Variants in THSD4 observed in about 807,000 individuals in gnomAD.
THSD4 encodes thrombospondin type-1 domain-containing protein 4.
A neutral mutation model predicts 119.0 loss-of-function variants in THSD4; 69 were observed. The observed-to-expected ratio is 0.58, with a 90% CI of 0.48 to 0.71. The LOEUF is 0.71. THSD4 is among the 30% of genes least tolerant of loss of function. THSD4 has a pLI of 0.00. For synonymous variants in THSD4, 524 were observed against 540.4 expected (o/e 0.97, Z 0.42); for missense variants, 1,393 against 1,391.1 (o/e 1.00, Z -0.02).
intron 2 of THSD4, chr15:71,147,809 A>G (rs2040677950): frequency 6.6e-6 from 1 of 151,930 alleles, no homozygotes; most frequent in African/African-American, 2.4e-5. Flanking sequence ...ACAGAAACAA[A>G]CAAATGAACA....
At chr15:71,487,074 T>C (rs11072289) in intron 7 of THSD4, among the ~76,000 whole-genome samples, 149,710 of 152,322 alleles carry the variant, frequency 0.98, 73,635 homozygotes, top group East Asian at 1. Flanking sequence ...ATTAAAATCC[T>C]AGCCTTGCAG....
intron 7 of THSD4, among the ~76,000 whole-genome samples, chr15:71,617,939 G>T (rs1260504290): frequency 2.0e-5 from 3 of 152,070 alleles, no homozygotes; most frequent in Non-Finnish European, 4.4e-5. Flanking sequence ...TTTCTCAAAG[G>T]GGCCATTTAC....
At chr15:71,748,768 G>A (rs533186175) in intron 14 of THSD4, among the ~76,000 whole-genome samples, 174 bp downstream of exon 14, 6 of 152,268 alleles carry the variant, frequency 3.9e-5, no homozygotes, top group African/African-American at 1.4e-4. Flanking sequence ...GAGGACTGAG[G>A]GTCTCCAAAG....
intron 6 of THSD4, among the ~76,000 whole-genome samples, chr15:71,403,233 A>C (rs113018050): frequency 0.027 from 4,156 of 152,246 alleles, 84 homozygotes; most frequent in African/African-American, 0.063. Flanking sequence ...GTGGTAGTCT[A>C]CATCCTCCAA....
At chr15:71,399,013 G>A (rs2046487490) in intron 6 of THSD4, among the ~76,000 whole-genome samples, 1 of 152,086 alleles carries the variant, frequency 6.6e-6, no homozygotes, top group African/African-American at 2.4e-5. Context: ...TGCAGCAGGT[G>A]ACTTTGTTGG....
intron 5 of THSD4, among the ~76,000 whole-genome samples, chr15:71,253,081 C>T (rs1446756518): frequency 6.6e-6 from 1 of 152,226 alleles, no homozygotes; most frequent in East Asian, 1.9e-4. Context: ...TCCACCAGGA[C>T]ACCTTGTTAC....
chr15:71,444,658 C>T (rs564469022), intron 7 of THSD4, among the ~76,000 whole-genome samples: 7 of 152,290 alleles, frequency 4.6e-5, no homozygotes, highest in African/African-American at 1.7e-4. Context: ...TGAGTGACAC[C>T]TCCACTCAAT....
chr15:71,112,316 G>A, upstream of THSD4: 1 of 1,315,178 alleles, frequency 7.6e-7, no homozygotes, highest in Non-Finnish European at 1.0e-6. Flanking sequence ...GAATGAAGGG[G>A]GGTACTATTA....
intron 8 of THSD4, among the ~76,000 whole-genome samples, chr15:71,674,310 G>A (rs1235220077): frequency 6.6e-6 from 1 of 152,164 alleles, no homozygotes; most frequent in Non-Finnish European, 1.5e-5. Context: ...ATTTCCAGCT[G>A]GGATGCTCTT....
chr15:71,110,507 T>C (rs938647127), upstream of THSD4: 1 of 153,046 alleles, frequency 6.5e-6, no homozygotes, highest in African/African-American at 2.4e-5. Context: ...ACAGCACTCC[T>C]TTCTCAATTG....
intron 6 of THSD4, chr15:71,342,329 A>C (rs2140391474): frequency 6.4e-6 from 1 of 155,700 alleles, no homozygotes; most frequent in South Asian, 2.0e-4. Flanking sequence ...GATGCGTAGA[A>C]GAAAGAAATG....
At chr15:71,342,810 T>C (rs1044359256) in intron 6 of THSD4, 1 of 152,258 alleles carries the variant, frequency 6.6e-6, no homozygotes, top group South Asian at 2.1e-4. Flanking sequence ...GCAAATTCTC[T>C]TTTGAGGCTG....
At chr15:71,532,693 G>T (rs2048633051) in intron 7 of THSD4, among the ~76,000 whole-genome samples, 1 of 152,132 alleles carries the variant, frequency 6.6e-6, no homozygotes, top group Non-Finnish European at 1.5e-5. Flanking sequence ...GGTGCTGGCT[G>T]TTTATAATAT....
intron 8 of THSD4, among the ~76,000 whole-genome samples, chr15:71,724,888 A>C (rs1315944827): frequency 9.7e-6 from 1 of 103,248 alleles, no homozygotes; most frequent in African/African-American, 3.3e-5. Context: ...GGTACCATTT[A>C]CTGAGATAAG....
At chr15:71,235,733 T>C (rs1178155767) in intron 4 of THSD4, among the ~76,000 whole-genome samples, 4 of 151,962 alleles carry the variant, frequency 2.6e-5, no homozygotes, top group African/African-American at 9.7e-5. Flanking sequence ...GGACCACAGG[T>C]GTGCACCCAT....
Position 71,147,968 on chromosome 15 carries a change from C to CAAA in THSD4, c.29+6437_29+6439dup, listed in dbSNP as rs57726176. 1.4e-3 allele frequency among the ~76,000 whole-genome samples: 46 copies of CAAA among 32,128 alleles called. 2 individuals carry two copies. Among genetic ancestry groups the CAAA allele is most frequent in the Non-Finnish European group, 2.2e-3 (30 of 13,492 alleles). The allele number at this position is 32,128 out of a possible 152,430, so 21.1% of individuals were successfully genotyped here. A position where few individuals can be genotyped will look rare whatever the true frequency, so the allele number is the denominator to read the frequency against. ...TGGGTGATAGAGCAAGACTCTGTCTCAAAAAAAAAAAAAAAAAAAAAAAAA... is the reference window on the plus strand; with the variant it reads ...TGGGTGATAGAGCAAGACTCTGTCTCAAAAAAAAAAAAAAAAAAAAAAAAAAAA... On this transcript the variant is annotated intron_variant, in intron 2 of 17. Transcript: ENST00000261862.
intron 7 of THSD4, among the ~76,000 whole-genome samples, chr15:71,605,024 G>A (rs1328620980): frequency 6.6e-6 from 1 of 152,054 alleles, no homozygotes; most frequent in African/African-American, 2.4e-5. Flanking sequence ...GAGACCCAAA[G>A]GAGGTAAGGT....
At chr15:71,679,236 C>G (rs113086563) in intron 8 of THSD4, among the ~76,000 whole-genome samples, 1 of 152,130 alleles carries the variant, frequency 6.6e-6, no homozygotes, top group Non-Finnish European at 1.5e-5. Context: ...GAAATTAACT[C>G]TAATAGGATA....
chr15:71,302,901 C>T (rs1426590640), intron 6 of THSD4, among the ~76,000 whole-genome samples: 1 of 152,076 alleles, frequency 6.6e-6, no homozygotes, highest in Non-Finnish European at 1.5e-5. Flanking sequence ...ATGCAGAGGG[C>T]CCAGGAGGGT....
Sources: gnomAD v4.1 joint callset for allele counts (sites outside exome capture counted in the v4.1 genomes callset) on GRCh38, gnomAD v4.1.1 for gene constraint, MANE v1.5 for transcripts, NCBI Gene and HGNC (gene_info 2026-07-23, HGNC 2026-07-21) for gene names.